Variants in CHD7 observed in about 807,000 individuals in gnomAD.
CHD7 encodes the protein ATP-dependent chromatin remodeler CHD7.
A neutral mutation model predicts 307.3 loss-of-function variants in CHD7; 24 were observed. That is an observed-to-expected ratio of 0.08 (90% CI 0.06 to 0.11). CHD7 has a LOEUF of 0.11. CHD7 is among the 10% of genes least tolerant of loss of function. CHD7 has a pLI of 1.00. For missense variants in CHD7, 3,106 were observed against 3,727.1 expected (o/e 0.83, Z 4.34); for synonymous variants, 1,363 against 1,349.9 (o/e 1.01, Z -0.21).
chr8:60,761,320 C>T (rs927346428), intron 2 of CHD7, among the ~76,000 whole-genome samples: 5 of 123,390 alleles, frequency 4.1e-5, no homozygotes, highest in Non-Finnish European at 7.8e-5. Context: ...GGAAGGGGAA[C>T]ATCACACTCT....
intron 2 of CHD7, among the ~76,000 whole-genome samples, chr8:60,751,320 T>C (rs920209275): frequency 6.6e-6 from 1 of 152,336 alleles, no homozygotes; most frequent in East Asian, 1.9e-4. Context: ...TCTTTCACTT[T>C]TTTCTTCTGT....
At chr8:60,738,475 A>T (rs552076458) in intron 1 of CHD7, among the ~76,000 whole-genome samples, 51 of 152,192 alleles carry the variant, frequency 3.4e-4, no homozygotes, top group African/African-American at 1.2e-3. Flanking sequence ...TTGAGTGTAG[A>T]CGAGAGGGAA....
chr8:60,679,447 G>A (rs1227136896), intron 1 of CHD7: 1 of 143,796 alleles, frequency 7.0e-6, no homozygotes, highest in Admixed American at 6.9e-5. Flanking sequence ...GTGGGGGGGG[G>A]GTACGGGGGA....
chr8:60,846,375 G>A (rs556577465), intron 23 of CHD7, among the ~76,000 whole-genome samples: 2 of 152,304 alleles, frequency 1.3e-5, no homozygotes, highest in African/African-American at 2.4e-5. Context: ...ACTGATTATA[G>A]ATAATTGAAG....
chr8:60,726,022 A>G (rs978057757), intron 1 of CHD7, among the ~76,000 whole-genome samples: 1 of 152,248 alleles, frequency 6.6e-6, no homozygotes, highest in Non-Finnish European at 1.5e-5. Context: ...CAAGTTTACT[A>G]CCAAAACCAG....
chr8:60,692,681 G>T (rs1367561287), intron 1 of CHD7, among the ~76,000 whole-genome samples: 2 of 152,140 alleles, frequency 1.3e-5, no homozygotes, highest in East Asian at 1.9e-4. Flanking sequence ...CTCCCTTTTG[G>T]ATAGAGGCCA....
chr8:60,765,405 T>C (rs977109848), intron 2 of CHD7, among the ~76,000 whole-genome samples: 2 of 152,150 alleles, frequency 1.3e-5, no homozygotes, highest in African/African-American at 4.8e-5. Context: ...CCCCTCACAG[T>C]CCAGAGGACC....
intron 19 of CHD7, among the ~76,000 whole-genome samples, chr8:60,838,660 C>T (rs1189175062): frequency 6.6e-6 from 1 of 152,206 alleles, no homozygotes; most frequent in African/African-American, 2.4e-5. Context: ...AGCTAAATCT[C>T]CATACATAAA....
rs200161758 is a variant in CHD7, at chr8:60,804,973, A to G, written c.2443-3244A>G. 5.3e-5 allele frequency among the ~76,000 whole-genome samples: 8 copies of G among 152,358 alleles called. No homozygotes were observed. The East Asian group carries it at 1.3e-3, about 26-fold the overall frequency. ...TTCTCAGAAAAATTCTATTTAATTC[A>G]TAATATTACTGGGTTCTCAAATTTA... On this transcript the variant is annotated intron_variant, in intron 6 of 37. Coordinates refer to ENST00000423902, the MANE Select transcript of CHD7 (RefSeq NM_017780.4).
chr8:60,756,444 A>G (rs1051136044), intron 2 of CHD7, among the ~76,000 whole-genome samples: 5 of 152,232 alleles, frequency 3.3e-5, no homozygotes, highest in African/African-American at 9.6e-5. Context: ...CAAGTATAGC[A>G]TCTTGTTTTA....
chr8:60,808,342 TA>T, intron 7 of CHD7, 70 bp downstream of exon 7: 2 of 950,070 alleles, frequency 2.1e-6, no homozygotes, highest in Non-Finnish European at 3.2e-6. Context: ...CATTTTTTTT[TA>T]AAGTTGGGAA....
Position 60,852,244 on chromosome 8 carries a change from A to G in CHD7, c.5891A>G (p.Gln1964Arg). 6.2e-7 allele frequency: 1 copy of G among 1,611,784 alleles called. No homozygotes were observed. Among genetic ancestry groups the G allele is most frequent in the African/African-American group, 1.3e-5 (1 of 74,914 alleles). The change falls in exon 29 of 38, where the codon CAA becomes CGA. Residue 1964 changes from glutamine to arginine, a missense_variant. Transcript: ENST00000423902. ...EREAIISEKR[Q>R]KWTRREEADF... ...GAAGCTATTATATCTGAGAAGCGGCAAAAGTGAGTTTCTTCAAGGTTTCCA... is the reference window on the plus strand; with the variant it reads ...GAAGCTATTATATCTGAGAAGCGGCGAAAGTGAGTTTCTTCAAGGTTTCCA...
intron 1 of CHD7, among the ~76,000 whole-genome samples, chr8:60,734,598 G>A (rs1808612624): frequency 1.3e-5 from 2 of 152,184 alleles, no homozygotes; most frequent in Non-Finnish European, 2.9e-5. Context: ...CTACAGTGAG[G>A]GGATAAGGAG....
intron 1 of CHD7, among the ~76,000 whole-genome samples, chr8:60,712,822 G>C (rs1325726471): frequency 6.6e-6 from 1 of 152,000 alleles, no homozygotes; most frequent in Non-Finnish European, 1.5e-5. Flanking sequence ...GGCTGAGTGG[G>C]GAGGATCACC....
Position 60,696,150 on chromosome 8 carries a change from C to G in CHD7, c.-175+17068C>G, listed in dbSNP as rs533489360. Among the ~76,000 whole-genome samples the G allele has an allele frequency of 3.2e-4, 49 of 152,288 alleles. 1 individual carries two copies. In the South Asian group the frequency reaches 7.7e-3, roughly 24 times the overall value. On this transcript the variant is annotated intron_variant, in intron 1 of 37. Transcript: ENST00000423902. ...GAAAGAGTACAAAAGAACATACTAA[C>G]TGTATCATGATTAGTTTTATACAAA...
chr8:60,862,070 A>G, intron 35 of CHD7, 126 bp from the exon 36 acceptor site: 1 of 746,348 alleles, frequency 1.3e-6, no homozygotes, highest in Non-Finnish European at 2.0e-6. Flanking sequence ...TCTAATATTA[A>G]TAATTAAAAT....
chr8:60,800,187 C>A (rs142527569), intron 4 of CHD7, among the ~76,000 whole-genome samples: 21 of 152,152 alleles, frequency 1.4e-4, no homozygotes, highest in Middle Eastern at 6.8e-3. Flanking sequence ...CCCGCCACCA[C>A]GCCCGGCTAA....
At chr8:60,800,592 A>G (rs1812264109) in intron 5 of CHD7, 67 bp downstream of exon 5, 5 of 1,464,498 alleles carry the variant, frequency 3.4e-6, no homozygotes, top group African/African-American at 2.8e-5. Context: ...CATTGCTGCA[A>G]TCTGAGAAGT....
At position 60,856,705 on chromosome 8, in the gene CHD7, T is replaced by C; in HGVS notation, c.7425T>C (p.Ser2475=). ...FILPNVSTPV[S]DAFKTQMELL... ...TGCCTAATGTCTCAACACCAGTGTC[T>C]GATGCCTTTAAGACTCAAATGGAAC... Residue 2475 remains serine (S), a synonymous_variant, in exon 34 of 38, where the codon TCT becomes TCC. Transcript: ENST00000423902. The C allele has an allele frequency of 6.2e-7, 1 of 1,614,080 alleles. No homozygotes were observed. Among genetic ancestry groups the C allele is most frequent in the Non-Finnish European group, 8.5e-7 (1 of 1,179,912 alleles).
Sources: gnomAD v4.1 joint callset for allele counts (sites outside exome capture counted in the v4.1 genomes callset) on GRCh38, gnomAD v4.1.1 for gene constraint, MANE v1.5 for transcripts, NCBI Gene and HGNC (gene_info 2026-07-23, HGNC 2026-07-21) for gene names.